MAP2K2: variants seen among roughly 807,000 people sequenced by gnomAD.
The protein encoded by MAP2K2 is mitogen-activated protein kinase kinase 2.
MAP2K2 carries 24 observed loss-of-function variants against 43.7 expected under a neutral mutation model. The observed-to-expected ratio is 0.55, with a 90% CI of 0.40 to 0.77. MAP2K2 has a LOEUF of 0.77. Ranked by LOEUF, MAP2K2 falls within the 30% of genes least tolerant of loss-of-function variation. The pLI, the probability that MAP2K2 is intolerant of heterozygous loss-of-function variation, is 0.00. For synonymous variants in MAP2K2, 244 were observed against 239.7 expected (o/e 1.02, Z -0.17); for missense variants, 470 against 566.8 (o/e 0.83, Z 1.73).
intron 3 of MAP2K2, among the ~76,000 whole-genome samples, chr19:4,105,865 T>C (rs780241828): frequency 1.1e-4 from 17 of 151,986 alleles, no homozygotes; most frequent in Non-Finnish European, 2.2e-4. Flanking sequence ...GGGTTCCTCA[T>C]GTTGCCCAGG....
At chr19:4,104,547 T>A (rs1433034708) in intron 3 of MAP2K2, 1 of 152,178 alleles carries the variant, frequency 6.6e-6, no homozygotes, top group Non-Finnish European at 1.5e-5. Context: ...AGCAAGACCC[T>A]GTCTCAAAAA....
At chr19:4,120,775 G>A (rs1361942471) in intron 1 of MAP2K2, among the ~76,000 whole-genome samples, 1 of 152,150 alleles carries the variant, frequency 6.6e-6, no homozygotes, top group Non-Finnish European at 1.5e-5. Context: ...CGTCCCTACA[G>A]CCAGCTTCCT....
At chr19:4,095,002 C>G (rs1340005700) in intron 9 of MAP2K2, 1 of 355,432 alleles carries the variant, frequency 2.8e-6, no homozygotes, top group Non-Finnish European at 5.3e-6. Flanking sequence ...CTGCTGGGTG[C>G]TTGGGGGCAG....
At chr19:4,113,869 G>A (rs751975474) in intron 2 of MAP2K2, among the ~76,000 whole-genome samples, 3 of 152,162 alleles carry the variant, frequency 2.0e-5, no homozygotes, top group South Asian at 2.1e-4. Flanking sequence ...CCGCCACCCC[G>A]CAGGCCTGGA....
chr19:4,102,089 C>T (rs2041019695), intron 4 of MAP2K2, among the ~76,000 whole-genome samples: 1 of 152,174 alleles, frequency 6.6e-6, no homozygotes, highest in Non-Finnish European at 1.5e-5. Flanking sequence ...CAGCTGCCAA[C>T]ATCCCCCTGC....
intron 10 of MAP2K2, among the ~76,000 whole-genome samples, chr19:4,091,551 C>T (rs1033041612): frequency 6.6e-6 from 1 of 152,084 alleles, no homozygotes; most frequent in African/African-American, 2.4e-5. Flanking sequence ...CGGGGATTCA[C>T]CATGTTGGCC....
intron 3 of MAP2K2, among the ~76,000 whole-genome samples, chr19:4,105,370 G>A (rs1324394517): frequency 2.6e-5 from 4 of 151,558 alleles, no homozygotes; most frequent in East Asian, 1.9e-4. Flanking sequence ...CCGGGTTCAC[G>A]CCATTCTCCT....
intron 2 of MAP2K2, among the ~76,000 whole-genome samples, chr19:4,111,965 C>CA (rs1409961446): frequency 6.7e-6 from 1 of 148,846 alleles, no homozygotes; most frequent in Non-Finnish European, 1.5e-5. Flanking sequence ...AAAAAACCCC[C>CA]AAAAAAACAA....
In MAP2K2 at chr19:4,117,464, G is replaced by T. The variant is rs148437150; in HGVS notation, c.258C>A (p.Val86=). The T allele has an allele frequency of 4.0e-4, 641 of 1,613,874 alleles. No individual in the cohort carries two copies. The highest frequency in any genetic ancestry group is 5.3e-4 in the Non-Finnish European group (624 of 1,180,046). The change falls in exon 2 of 11, where the codon GTC becomes GTA. Residue 86 remains valine (V), a synonymous_variant. Transcript: ENST00000262948. ...SELGAGNGGV[V]TKVQHRPSGL... is the part of the protein sequence containing the mutation. ...CCGAGGGTCTGTGCTGGACTTTGGT[G>T]ACCACCCCGCCGTTGCCCGCGCCCA...
In MAP2K2 at chr19:4,097,314, C is replaced by A; in HGVS notation, c.949G>T (p.Ala317Ser). Residue 317 changes from alanine to serine, a missense_variant, in exon 8 of 11, where the codon GCC becomes TCC. Physicochemically the swap from Ala to Ser is moderately conservative, Grantham distance 99 (BLOSUM62 1). Around this residue, in one of 3 missense-constraint regions of MAP2K2, gnomAD observed 212 missense variants for 220.8 expected, o/e 0.96. Coordinates refer to ENST00000262948, the MANE Select transcript of MAP2K2 (RefSeq NM_030662.4). ...ATATAGTCCAGGAGTTCAAAGATGG[C>A]CATGGCAGGCCGGCTATCCATCCCG... ...GHGMDSRPAM[A>S]IFELLDYIVN... The A allele has an allele frequency of 6.2e-7, 1 of 1,613,194 alleles. No individual in the cohort carries two copies. Among genetic ancestry groups the A allele is most frequent in the Non-Finnish European group, 8.5e-7 (1 of 1,179,840 alleles).
intron 1 of MAP2K2, among the ~76,000 whole-genome samples, chr19:4,120,874 G>A (rs181846983): frequency 1.3e-4 from 19 of 145,482 alleles, no homozygotes; most frequent in African/African-American, 3.7e-4. Context: ...AATGAGGAAC[G>A]GGTCCCCGTG....
At chr19:4,102,687 G>T in intron 3 of MAP2K2, 3 of 1,132,640 alleles carry the variant, frequency 2.6e-6, no homozygotes, top group Non-Finnish European at 3.7e-6. Flanking sequence ...CCCGCCTCCC[G>T]TCCCATCCTC....
intron 3 of MAP2K2, among the ~76,000 whole-genome samples, chr19:4,107,905 C>T (rs1032141740): frequency 6.6e-6 from 1 of 152,216 alleles, no homozygotes; most frequent in Non-Finnish European, 1.5e-5. Flanking sequence ...CTCAGCTTCA[C>T]AGCAGAAGCG....
rs1247432553 is a variant in MAP2K2, at chr19:4,101,720, C to T, written c.529-440G>A. Among the ~76,000 whole-genome samples, 1 of 152,150 alleles carries T rather than the reference C, an allele frequency of 6.6e-6. No homozygotes were observed. The highest frequency in any genetic ancestry group is 2.4e-5 in the African/African-American group (1 of 41,426). On this transcript the variant is annotated intron_variant, in intron 4 of 10. Transcript: ENST00000262948. This position sits in a 1 kb window ranked among gnomAD's most constrained non-coding sequence, Gnocchi z 6.3. ...TGGGAAGGACGATGTTTCCCCCAGG[C>T]CCGCCCTGGAAGCAGCATCCCGAGA...
chr19:4,115,813 A>G lies in MAP2K2; in HGVS notation c.303+1606T>C, dbSNP rs1042025373. ...GGGAACTACAGGATGGTGGGCTTCC[A>G]GGAAGAGGCAGCGTTCTAGGTCTGA... is the stretch of plus-strand genomic sequence containing the variant. On this transcript the variant is annotated intron_variant, in intron 2 of 10. Transcript: ENST00000262948. The surrounding 1 kb of genome is among the most constrained non-coding windows in gnomAD (Gnocchi z 4.1). 1.3e-5 allele frequency among the ~76,000 whole-genome samples: 2 copies of G among 152,202 alleles called. No individual in the cohort carries two copies. The highest frequency in any genetic ancestry group is 4.8e-5 in the African/African-American group (2 of 41,452).
chr19:4,097,204 C>CAAA, intron 8 of MAP2K2, 75 bp downstream of exon 8: 1 of 542,448 alleles, frequency 1.8e-6, no homozygotes. Flanking sequence ...GAGACTCTGC[C>CAAA]TAAAAAAAAA....
At chr19:4,097,247 A>C in intron 8 of MAP2K2, 32 bp downstream of exon 8, 5 of 1,489,680 alleles carry the variant, frequency 3.4e-6, no homozygotes, top group Non-Finnish European at 4.6e-6. Flanking sequence ...AAAGAAAAGG[A>C]AAAGAAAAGC....
chr19:4,114,394 T>C (rs2041194870), intron 2 of MAP2K2, among the ~76,000 whole-genome samples: 1 of 152,210 alleles, frequency 6.6e-6, no homozygotes, highest in Admixed American at 6.5e-5. Context: ...CAGCTGGTAC[T>C]GTGAGGTGGC....
At chr19:4,111,507 G>A (rs1034315143) in intron 2 of MAP2K2, among the ~76,000 whole-genome samples, 1 of 152,126 alleles carries the variant, frequency 6.6e-6, no homozygotes, top group Non-Finnish European at 1.5e-5. Context: ...TCAAGCTGGA[G>A]ACACCCCGTG....
Sources: gnomAD v4.1 joint callset for allele counts (sites outside exome capture counted in the v4.1 genomes callset) on GRCh38, gnomAD v4.1.1 for gene constraint, gnomAD v4.1.1 regional missense constraint, Gnocchi (gnomAD v3.1) non-coding constraint, MANE v1.5 for transcripts, NCBI Gene and HGNC (gene_info 2026-07-23, HGNC 2026-07-21) for gene names.